Variants in GPHN observed in about 807,000 individuals in gnomAD.
The protein encoded by GPHN is gephyrin.
A neutral mutation model predicts 95.5 loss-of-function variants in GPHN; 17 were observed. The observed-to-expected ratio is 0.18, with a 90% CI of 0.12 to 0.27. GPHN has a LOEUF of 0.27. Ranked by LOEUF, GPHN falls within the 10% of genes least tolerant of loss-of-function variation. GPHN has a pLI of 1.00. For synonymous variants in GPHN, 320 were observed against 322.5 expected, an observed-to-expected ratio of 0.99 and a Z score of 0.08; for missense variants, 660 against 978.1, an observed-to-expected ratio of 0.67 and a Z score of 4.34.
the GPHN span, among the ~76,000 whole-genome samples, chr14:67,220,903 T>G: frequency 6.6e-6 from 1 of 152,232 alleles, no homozygotes; most frequent in Admixed American, 6.5e-5. Flanking sequence ...CCCCTTAAAA[T>G]GGACCACAAT....
the GPHN span, among the ~76,000 whole-genome samples, chr14:67,477,181 A>T: frequency 5.3e-5 from 8 of 151,684 alleles, no homozygotes; most frequent in African/African-American, 1.9e-4. Flanking sequence ...AAAAAAAAAA[A>T]ATGTTCGATA....
intron 8 of GPHN, among the ~76,000 whole-genome samples, chr14:66,927,309 A>T (rs2066530894): frequency 6.6e-6 from 1 of 151,092 alleles, no homozygotes; most frequent in African/African-American, 2.4e-5. Context: ...AGATCGTGCC[A>T]CTGCACTTCA....
chr14:67,204,824 C>G, the GPHN span: 27 of 1,613,838 alleles, frequency 1.7e-5, no homozygotes, highest in East Asian at 1.6e-4. Flanking sequence ...GCCATCCTGA[C>G]CCCGTACATG....
At chr14:66,594,398 A>G (rs888062748) in intron 1 of GPHN, among the ~76,000 whole-genome samples, 4 of 152,230 alleles carry the variant, frequency 2.6e-5, no homozygotes, top group African/African-American at 4.8e-5. Context: ...GAGGCCTCAT[A>G]GTGCGTGCTT....
chr14:67,509,220 C>T, the GPHN span, among the ~76,000 whole-genome samples: 1 of 152,202 alleles, frequency 6.6e-6, no homozygotes, highest in Non-Finnish European at 1.5e-5. Flanking sequence ...CTGCAGGGTA[C>T]AGACCTCTCC....
chr14:67,321,515 A>G, the GPHN span, among the ~76,000 whole-genome samples: 2 of 152,178 alleles, frequency 1.3e-5, no homozygotes, highest in Admixed American at 6.5e-5. Context: ...AGTGTTTTGA[A>G]TTTCAGAATT....
At chr14:66,725,091 A>G in intron 2 of GPHN, among the ~76,000 whole-genome samples, 1 of 152,182 alleles carries the variant, frequency 6.6e-6, no homozygotes, top group East Asian at 1.9e-4. Flanking sequence ...TATAACAAGA[A>G]TACAGACTCA....
chr14:67,536,504 A>G, the GPHN span, among the ~76,000 whole-genome samples: 2 of 151,774 alleles, frequency 1.3e-5, no homozygotes, highest in Admixed American at 6.5e-5. Context: ...TGTGCATATA[A>G]CAGAAGCCCC....
At position 66,969,306 on chromosome 14, in the gene GPHN, A is replaced by G. The variant is rs139721641; in HGVS notation, c.963+3981A>G. Reference sequence around the variant, plus strand: ...ATTGTCCTGAGTAAAATAGTGCCTAAGTCAAATAGTACATAAATTATATTT... The same window carrying G: ...ATTGTCCTGAGTAAAATAGTGCCTAGGTCAAATAGTACATAAATTATATTT... On this transcript the variant is annotated intron_variant, in intron 9 of 22. Transcript: ENST00000478722. 8 of 152,348 alleles carry G rather than the reference A, an allele frequency of 5.3e-5. No individual in the cohort carries two copies. The East Asian group carries it at 1.5e-3, about 29-fold the overall frequency. 9.4% of individuals were successfully genotyped at this position (152,348 alleles called of 1,614,324 possible).
At chr14:67,406,055 T>C in the GPHN span, among the ~76,000 whole-genome samples, 22 of 152,070 alleles carry the variant, frequency 1.4e-4, no homozygotes, top group Non-Finnish European at 2.9e-4. Flanking sequence ...AGTCAAGAGT[T>C]TGAGACCAGC....
At chr14:67,653,854 A>G in the GPHN span, among the ~76,000 whole-genome samples, 1 of 152,240 alleles carries the variant, frequency 6.6e-6, no homozygotes, top group Non-Finnish European at 1.5e-5. Flanking sequence ...CATCAGCCAA[A>G]TTCCAGGACA....
At chr14:66,687,827 T>G (rs1453129033) in intron 2 of GPHN, among the ~76,000 whole-genome samples, 1 of 152,206 alleles carries the variant, frequency 6.6e-6, no homozygotes, top group Non-Finnish European at 1.5e-5. Flanking sequence ...AGGATGTGTT[T>G]CCATTTGTTT....
chr14:67,625,342 G>T, the GPHN span, among the ~76,000 whole-genome samples: 1 of 152,034 alleles, frequency 6.6e-6, no homozygotes, highest in African/African-American at 2.4e-5. Context: ...AATTAAACTT[G>T]ACTTAGCTAA....
At chr14:66,713,693 G>T (rs1295072704) in intron 2 of GPHN, among the ~76,000 whole-genome samples, 2 of 151,740 alleles carry the variant, frequency 1.3e-5, no homozygotes, top group Non-Finnish European at 2.9e-5. Flanking sequence ...TTTTGAATGG[G>T]GATTGGGTTG....
chr14:66,753,364 A>G (rs892159058), intron 2 of GPHN, among the ~76,000 whole-genome samples: 11 of 152,094 alleles, frequency 7.2e-5, no homozygotes, highest in Admixed American at 3.3e-4. Flanking sequence ...CCATGTACTC[A>G]TGAATGAACC....
At chr14:67,578,566 T>A in the GPHN span, 1 of 1,612,096 alleles carries the variant, frequency 6.2e-7, no homozygotes. The surrounding 1 kb of genome is among the most constrained non-coding windows in gnomAD (Gnocchi z 5.0). Context: ...GTGCTCCACT[T>A]TTCCTGCCTC....
At chr14:67,382,892 T>TGTACGTGC in the GPHN span, among the ~76,000 whole-genome samples, 1 of 147,952 alleles carries the variant, frequency 6.8e-6, no homozygotes, top group African/African-American at 2.6e-5. Flanking sequence ...AAGAAGTGTG[T>TGTACGTGC]GTACGTGCGT....
chr14:67,584,840 ATATT>A, the GPHN span, among the ~76,000 whole-genome samples: 1 of 152,208 alleles, frequency 6.6e-6, no homozygotes, highest in African/African-American at 2.4e-5. Flanking sequence ...TATTTAATAT[ATATT>A]TATAAGCCAT....
At chr14:66,582,898 C>T (rs1051476856) in intron 1 of GPHN, among the ~76,000 whole-genome samples, 1 of 152,052 alleles carries the variant, frequency 6.6e-6, no homozygotes, top group African/African-American at 2.4e-5. Context: ...GGGTATATAC[C>T]CAGTAACGGG....
Sources: allele counts gnomAD v4.1 joint callset (sites outside exome capture counted in the v4.1 genomes callset), GRCh38; gene constraint gnomAD v4.1.1; non-coding constraint Gnocchi (gnomAD v3.1); transcripts MANE v1.5; gene names NCBI Gene and HGNC (gene_info 2026-07-23, HGNC 2026-07-21).